PRIM2: variants seen among roughly 807,000 people sequenced by gnomAD.
The protein encoded by PRIM2 is DNA primase subunit 2.
In PRIM2, 39 loss-of-function variants were observed where a neutral mutation model predicts 67.3. That is an observed-to-expected ratio of 0.58 (90% CI 0.45 to 0.76). The LOEUF is 0.76. PRIM2 is among the 30% of genes least tolerant of loss of function. PRIM2 has a pLI of 0.00. For synonymous variants in PRIM2, 143 were observed against 198.7 expected, an observed-to-expected ratio of 0.72 and a Z score of 2.36; for missense variants, 398 against 598.7, an observed-to-expected ratio of 0.66 and a Z score of 3.50.
At chr6:57,526,726 A>G (rs1554349447) in intron 8 of PRIM2, among the ~76,000 whole-genome samples, 188 of 152,292 alleles carry the variant, frequency 1.2e-3, no homozygotes, top group African/African-American at 4.1e-3. Flanking sequence ...CTCTCAAAAT[A>G]AAGCTGTGAG....
chr6:57,312,915 A>G (rs1352021619), upstream of PRIM2, among the ~76,000 whole-genome samples: 3 of 152,262 alleles, frequency 2.0e-5, no homozygotes, highest in East Asian at 5.8e-4. Flanking sequence ...TAGACAGCCA[A>G]TTGTCCCAGC....
At chr6:57,378,572 G>A (rs1368259874) in intron 5 of PRIM2, among the ~76,000 whole-genome samples, 1 of 152,096 alleles carries the variant, frequency 6.6e-6, no homozygotes, top group African/African-American at 2.4e-5. Flanking sequence ...AAATTTATTT[G>A]TAGGAATACT....
intron 5 of PRIM2, among the ~76,000 whole-genome samples, chr6:57,363,677 T>A (rs6459203): frequency 1.3e-5 from 2 of 152,326 alleles, no homozygotes; most frequent in Admixed American, 1.3e-4. Context: ...AGTCTCCTTT[T>A]AAGATATTCT....
intron 7 of PRIM2, among the ~76,000 whole-genome samples, chr6:57,438,690 A>G (rs1485449725): frequency 6.6e-6 from 1 of 152,096 alleles, no homozygotes; most frequent in Admixed American, 6.5e-5. Context: ...AAACCATACT[A>G]TCTCCAGGGG....
chr6:57,263,939 G>T, the PRIM2 span, among the ~76,000 whole-genome samples: 1 of 152,196 alleles, frequency 6.6e-6, no homozygotes, highest in Non-Finnish European at 1.5e-5. Context: ...CAATCCTTCA[G>T]ACTAGAGCGT....
At chr6:57,306,091 C>T in the PRIM2 span, among the ~76,000 whole-genome samples, 7,451 of 152,158 alleles carry the variant, frequency 0.049, 583 homozygotes, top group African/African-American at 0.17. Context: ...TAGATAGCAC[C>T]CAAGAGTGAA....
chr6:57,302,987 C>T, the PRIM2 span, among the ~76,000 whole-genome samples: 2 of 151,932 alleles, frequency 1.3e-5, no homozygotes, highest in Non-Finnish European at 2.9e-5. Context: ...TGTAAAAAAG[C>T]CCTTAAAAGG....
At chr6:57,257,972 C>G in the PRIM2 span, among the ~76,000 whole-genome samples, 1 of 152,094 alleles carries the variant, frequency 6.6e-6, no homozygotes, top group Non-Finnish European at 1.5e-5. Context: ...TTAGTCCTTC[C>G]CCAGGATTCT....
At chr6:57,620,878 G>T (rs1776840617) in intron 12 of PRIM2, among the ~76,000 whole-genome samples, 2 of 152,274 alleles carry the variant, frequency 1.3e-5, no homozygotes, top group Non-Finnish European at 2.9e-5. Context: ...AAGTAAAGAT[G>T]TGGAAAAAGG....
intron 7 of PRIM2, among the ~76,000 whole-genome samples, chr6:57,393,275 C>G (rs77864385): frequency 6.6e-6 from 1 of 152,164 alleles, no homozygotes; most frequent in East Asian, 1.9e-4. Context: ...CTCCCATCAG[C>G]AGTGTAGAAA....
chr6:57,499,201 C>T (rs1554346617), intron 7 of PRIM2, among the ~76,000 whole-genome samples: 6 of 152,162 alleles, frequency 3.9e-5, no homozygotes, highest in Non-Finnish European at 5.9e-5. Context: ...TCAAGTCTAT[C>T]GGCAAAATTT....
upstream of PRIM2, among the ~76,000 whole-genome samples, chr6:57,313,079 A>G (rs1767418121): frequency 6.6e-6 from 1 of 152,152 alleles, no homozygotes; most frequent in African/African-American, 2.4e-5. Flanking sequence ...GTAATGTCTT[A>G]AATACTAATG....
chr6:57,223,000 G>A, the PRIM2 span, among the ~76,000 whole-genome samples: 3 of 152,304 alleles, frequency 2.0e-5, no homozygotes, highest in East Asian at 5.8e-4. Context: ...GTATCAGAAT[G>A]TTCGTAGCTG....
chr6:57,632,538 A>G (rs1777054522), intron 13 of PRIM2, among the ~76,000 whole-genome samples: 3 of 152,172 alleles, frequency 2.0e-5, no homozygotes, highest in Non-Finnish European at 4.4e-5. Context: ...TTCATGGTCC[A>G]TATGGTCTGC....
At chr6:57,408,519 A>G (rs1393012330) in intron 7 of PRIM2, among the ~76,000 whole-genome samples, 1 of 152,128 alleles carries the variant, frequency 6.6e-6, no homozygotes, top group Non-Finnish European at 1.5e-5. Context: ...AGAAGATTTT[A>G]TTGTGCTTTT....
chr6:57,600,724 G>T (rs1776448090), intron 10 of PRIM2, among the ~76,000 whole-genome samples: 1 of 152,068 alleles, frequency 6.6e-6, no homozygotes. Flanking sequence ...GGGAGAATTA[G>T]GGGAAGGTGG....
intron 10 of PRIM2, among the ~76,000 whole-genome samples, chr6:57,585,445 G>C (rs1776171959): frequency 6.6e-6 from 1 of 152,178 alleles, no homozygotes; most frequent in East Asian, 1.9e-4. Context: ...ATAGACCAGT[G>C]GGGATTTATA....
intron 5 of PRIM2, among the ~76,000 whole-genome samples, chr6:57,330,684 GATC>G (rs1017149334): frequency 1.1e-4 from 17 of 152,050 alleles, no homozygotes; most frequent in African/African-American, 4.1e-4. Flanking sequence ...CAATAGCAGT[GATC>G]ATGATCTCAG....
chr6:57,458,209 G>T (rs1195029358), intron 7 of PRIM2, among the ~76,000 whole-genome samples: 1 of 152,070 alleles, frequency 6.6e-6, no homozygotes, highest in Non-Finnish European at 1.5e-5. Flanking sequence ...CTTCATTCAG[G>T]ATTTAGATTG....
Sources: gnomAD v4.1 joint callset for allele counts (sites outside exome capture counted in the v4.1 genomes callset) on GRCh38, gnomAD v4.1.1 for gene constraint, MANE v1.5 for transcripts, NCBI Gene and HGNC (gene_info 2026-07-23, HGNC 2026-07-21) for gene names.